The following UPP1 variants were observed in gnomAD, a reference collection of about 807,000 sequenced individuals.
UPP1 encodes uridine phosphorylase 1, also known as UPase 1.
In UPP1, 25 loss-of-function variants were observed where a neutral mutation model predicts 29.6. The observed-to-expected ratio is 0.85, with a 90% CI of 0.62 to 1.18. UPP1 has a LOEUF of 1.18. Ranked by LOEUF, UPP1 falls within the 50% of genes most tolerant of loss-of-function variation. UPP1 has a pLI of 0.00. For missense variants in UPP1, 368 were observed against 410.4 expected, an observed-to-expected ratio of 0.90 and a Z score of 0.89; for synonymous variants, 165 against 159.8, an observed-to-expected ratio of 1.03 and a Z score of -0.25.
chr7:48,101,782 A>G (rs751437415), intron 4 of UPP1, 42 bp from the exon 5 acceptor site: 50 of 1,603,790 alleles, frequency 3.1e-5, no homozygotes, highest in East Asian at 1.1e-4. Flanking sequence ...GACCTCTGCT[A>G]TAGACAGTGC....
At chr7:48,106,291 T>C (rs1235780055) in intron 6 of UPP1, 1 of 155,712 alleles carries the variant, frequency 6.4e-6, no homozygotes. Flanking sequence ...ACTTGAAGGT[T>C]CCTGGCCATT....
Position 48,107,494 on chromosome 7 carries a change from C to CT in UPP1, c.781dup (p.Cys261LeufsTer67). ...CGGTGTTTGCCGCCATGTGCAGCGC[C>CT]TGCGGCCTCCAAGGTAAGCGGCACT... On this transcript the variant is annotated frameshift_variant, in exon 8 of 9. Transcript: ENST00000395564. LOFTEE classifies it high-confidence loss of function. The CT allele has an allele frequency of 1.2e-6, 2 of 1,609,360 alleles. No homozygotes were observed. Among genetic ancestry groups the CT allele is most frequent in the Non-Finnish European group, 1.7e-6 (2 of 1,176,412 alleles).
At chr7:48,106,794 T>A (rs908973523) in intron 6 of UPP1, 79 bp from the exon 7 acceptor site, 1 of 1,332,332 alleles carries the variant, frequency 7.5e-7, no homozygotes, top group Admixed American at 1.8e-5. Context: ...TATGCTCTGC[T>A]GTGTGCTCCC....
In UPP1 at chr7:48,108,323, G is replaced by T. The variant is rs767943621; in HGVS notation, c.899G>T (p.Ser300Ile). The part of the protein sequence containing the change: ...EYQQRPQRLV[S>I]YFIKKKLSKA Reference sequence around the variant, plus strand: ...CAGCAGAGGCCGCAGCGGCTGGTGAGCTACTTCATCAAGAAGAAACTGAGC... The same window carrying T: ...CAGCAGAGGCCGCAGCGGCTGGTGATCTACTTCATCAAGAAGAAACTGAGC... The change falls in exon 9 of 9, where the codon AGC (serine) becomes ATC (isoleucine). Residue 300 changes from serine to isoleucine, a missense_variant. Physicochemically the swap from Ser to Ile is moderately radical, Grantham distance 142. Coordinates refer to ENST00000395564, the MANE Select transcript of UPP1 (RefSeq NM_003364.4). 4 of 1,613,968 alleles carry T rather than the reference G, an allele frequency of 2.5e-6. No homozygotes were observed. The highest frequency in any genetic ancestry group is 1.7e-5 in the Admixed American group (1 of 60,006).
At chr7:48,105,023 C>A (rs1792652021) in intron 6 of UPP1, 1 of 152,212 alleles carries the variant, frequency 6.6e-6, no homozygotes, top group South Asian at 2.1e-4. Context: ...CTCACAAACC[C>A]CAAAGTATGA....
intron 6 of UPP1, among the ~76,000 whole-genome samples, chr7:48,104,480 A>G (rs1794744536): frequency 6.6e-6 from 1 of 152,090 alleles, no homozygotes; most frequent in South Asian, 2.1e-4. Context: ...CCCTAGAGAA[A>G]GTTGAGCTTT....
Position 48,099,769 on chromosome 7 carries a change from C to T in UPP1, c.144C>T (p.Ala48=), listed in dbSNP as rs780986862. 5.0e-6 allele frequency: 8 copies of T among 1,611,924 alleles called. No individual in the cohort carries two copies. Among genetic ancestry groups the T allele is most frequent in the Non-Finnish European group, 6.8e-6 (8 of 1,178,044 alleles). ...CCACTAGCAGACACAATTTCCCAGC[C>T]TTGTTTGGAGATGTGAAGGTAAGAG... ...NLTTSRHNFP[A]LFGDVKFVCV... is the part of the protein sequence containing the mutation. The change falls in exon 4 of 9, where the codon GCC becomes GCT. Residue 48 remains alanine (A), a synonymous_variant. Coordinates refer to ENST00000395564, the MANE Select transcript of UPP1 (RefSeq NM_003364.4).
intron 4 of UPP1, among the ~76,000 whole-genome samples, chr7:48,101,010 G>A (rs903954426): frequency 6.6e-6 from 1 of 151,916 alleles, no homozygotes; most frequent in Non-Finnish European, 1.5e-5. Flanking sequence ...GGGTTCAAGC[G>A]ATTCTCTTGC....
chr7:48,101,588 G>C (rs1792423748), intron 4 of UPP1, among the ~76,000 whole-genome samples: 1 of 152,158 alleles, frequency 6.6e-6, no homozygotes, highest in Admixed American at 6.5e-5. Context: ...CTGGATTCCT[G>C]CGTTTGTGGA....
intron 6 of UPP1, chr7:48,106,604 A>T: frequency 2.5e-6 from 1 of 407,324 alleles, no homozygotes; most frequent in Non-Finnish European, 4.6e-6. Flanking sequence ...GGGCCACTGC[A>T]CCCAGCCCTC....
Position 48,107,586 on chromosome 7 carries a change from C to A in UPP1, c.793+79C>A. ...CCTGGAGCCCCTCGCTGGGGCCCCT[C>A]CTCCTGGGGCACCCCGATACCCATT... On this transcript the variant is annotated intron_variant, in intron 8 of 8. Transcript: ENST00000395564. 4 of 1,477,982 alleles carry A rather than the reference C, an allele frequency of 2.7e-6. No individual in the cohort carries two copies. In the Admixed American group the frequency reaches 8.8e-5, roughly 33 times the overall value. 91.6% of individuals were successfully genotyped at this position (1,477,982 alleles called of 1,614,324 possible). A position where few individuals can be genotyped will look rare whatever the true frequency, so the allele number is the denominator to read the frequency against.
intron 4 of UPP1, among the ~76,000 whole-genome samples, chr7:48,100,275 T>C (rs967448001): frequency 6.6e-6 from 1 of 152,224 alleles, no homozygotes; most frequent in Non-Finnish European, 1.5e-5. Flanking sequence ...AGTAAAATCA[T>C]GGTATTATAT....
At chr7:48,102,472 T>C (rs1325327912) in intron 5 of UPP1, among the ~76,000 whole-genome samples, 1 of 152,190 alleles carries the variant, frequency 6.6e-6, no homozygotes, top group East Asian at 1.9e-4. Flanking sequence ...AGGAGCAATA[T>C]AAATGAACAG....
chr7:48,107,731 C>T (rs1341295456), intron 8 of UPP1, among the ~76,000 whole-genome samples: 1 of 152,194 alleles, frequency 6.6e-6, no homozygotes, highest in Non-Finnish European at 1.5e-5. Context: ...TGACCTTGTG[C>T]AGGAAAAATG....
rs1235438756 is a variant in UPP1, at chr7:48,090,191, C to T, written c.-195C>T. On this transcript the variant is annotated 5_prime_UTR_variant, in exon 2 of 9. Coordinates refer to ENST00000395564, the MANE Select transcript of UPP1 (RefSeq NM_003364.4). ...AACCTGTTCTTGGACCTGGCAGGGCCCAGAGAAGCGAGGAACTCCGCAGCT... is the reference window on the plus strand; with the variant it reads ...AACCTGTTCTTGGACCTGGCAGGGCTCAGAGAAGCGAGGAACTCCGCAGCT... 1 of 152,190 alleles carries T rather than the reference C, an allele frequency of 6.6e-6. No individual in the cohort carries two copies. The highest frequency in any genetic ancestry group is 1.5e-5 in the Non-Finnish European group (1 of 68,040). 9.4% of individuals were successfully genotyped at this position (152,190 alleles called of 1,614,324 possible).
At chr7:48,106,790 C>T in intron 6 of UPP1, 83 bp from the exon 7 acceptor site, 3 of 1,284,332 alleles carry the variant, frequency 2.3e-6, no homozygotes, top group Non-Finnish European at 3.3e-6. Context: ...TCCATATGCT[C>T]TGCTGTGTGC....
At chr7:48,101,798 TG>T in intron 4 of UPP1, 25 bp from the exon 5 acceptor site, 1 of 1,610,596 alleles carries the variant, frequency 6.2e-7, no homozygotes. Flanking sequence ...AGTGCACTAA[TG>T]GGGGTCTCTC....
In UPP1 at chr7:48,107,433, A is replaced by G. The variant is rs762628316; in HGVS notation, c.719A>G (p.Tyr240Cys). ...AAGCAGGCGTATCTGGAGGCAGCCT[A>G]TGCAGCCGGCGTCCGCAATATCGAG... Reference protein sequence around the residue: ...KDKQAYLEAAYAAGVRNIEME... With the variant: ...KDKQAYLEAACAAGVRNIEME... Residue 240 changes from tyrosine (Y) to cysteine (C), a missense_variant, in exon 8 of 9, where the codon TAT (tyrosine) becomes TGT (cysteine). Tyr to Cys is a radical substitution (Grantham distance 194). Coordinates refer to ENST00000395564, the MANE Select transcript of UPP1 (RefSeq NM_003364.4). 9 of 1,614,064 alleles carry G rather than the reference A, an allele frequency of 5.6e-6. No homozygotes were observed. Among genetic ancestry groups the G allele is most frequent in the African/African-American group, 4.0e-5 (3 of 74,926 alleles).
chr7:48,102,624 C>A (rs1372509229), intron 5 of UPP1, among the ~76,000 whole-genome samples: 1 of 152,150 alleles, frequency 6.6e-6, no homozygotes, highest in South Asian at 2.1e-4. Flanking sequence ...TCTGCGCAAG[C>A]CTTTCCTGTG....
Sources: allele counts gnomAD v4.1 joint callset (sites outside exome capture counted in the v4.1 genomes callset), GRCh38; gene constraint gnomAD v4.1.1; transcripts MANE v1.5; gene names NCBI Gene and HGNC (gene_info 2026-07-23, HGNC 2026-07-21).